UTRN: variants seen among roughly 807,000 people sequenced by gnomAD.
UTRN encodes dystrophin-related protein 1.
In UTRN, 283 loss-of-function variants were observed where a neutral mutation model predicts 463.9. That is an observed-to-expected ratio of 0.61 (90% CI 0.55 to 0.67). The LOEUF is 0.67. UTRN is among the 30% of genes least tolerant of loss of function. UTRN has a pLI of 0.00. For synonymous variants in UTRN, 1,442 were observed against 1,431.5 expected (o/e 1.01, Z -0.17); for missense variants, 3,922 against 4,084.3 (o/e 0.96, Z 1.08).
chr6:144,667,101 C>T (rs2128676044), intron 51 of UTRN, among the ~76,000 whole-genome samples: 1 of 152,228 alleles, frequency 6.6e-6, no homozygotes, highest in African/African-American at 2.4e-5. Flanking sequence ...GTCATCCAGG[C>T]TGGAGTGCAG....
At chr6:144,718,031 G>T (rs2128707289) in intron 53 of UTRN, among the ~76,000 whole-genome samples, 1 of 152,238 alleles carries the variant, frequency 6.6e-6, no homozygotes, top group Non-Finnish European at 1.5e-5. Context: ...CAAACGGAGG[G>T]CTTTGTTCTG....
intron 2 of UTRN, among the ~76,000 whole-genome samples, chr6:144,360,039 T>TCCCTTCCCTTCCCTTC: frequency 7.6e-5 from 4 of 52,544 alleles, no homozygotes; most frequent in African/African-American, 4.5e-4. Context: ...TTTTTTCCCT[T>TCCCTTCCCTTCCCTTC]CCCTTCCCTT....
intron 2 of UTRN, among the ~76,000 whole-genome samples, chr6:144,357,193 C>A (rs1778638915): frequency 6.6e-6 from 1 of 152,138 alleles, no homozygotes; most frequent in Non-Finnish European, 1.5e-5. Flanking sequence ...TCCTCACACC[C>A]ACCCATAGCC....
At chr6:144,732,239 CATATATAT>C (rs71810800) in intron 54 of UTRN, among the ~76,000 whole-genome samples, 25 of 116,062 alleles carry the variant, frequency 2.2e-4, no homozygotes, top group African/African-American at 6.0e-4. Flanking sequence ...TATATATATA[CATATATAT>C]ATATATATAT....
intron 50 of UTRN, among the ~76,000 whole-genome samples, chr6:144,567,062 G>C (rs889819965): frequency 3.9e-5 from 6 of 152,102 alleles, no homozygotes; most frequent in African/African-American, 1.4e-4. Flanking sequence ...TGGTAGGTTC[G>C]ATTGAGCCTA....
intron 2 of UTRN, chr6:144,330,988 A>G (rs566597799): frequency 1.0e-6 from 1 of 985,404 alleles, no homozygotes; most frequent in Non-Finnish European, 1.2e-6. Flanking sequence ...ATCTGAATCC[A>G]CAAACGGAGA....
At chr6:144,831,199 A>G (rs1780644762) in intron 69 of UTRN, among the ~76,000 whole-genome samples, 1 of 152,162 alleles carries the variant, frequency 6.6e-6, no homozygotes, top group South Asian at 2.1e-4. Flanking sequence ...TAATCCCTGA[A>G]GCCTATGAAT....
intron 2 of UTRN, among the ~76,000 whole-genome samples, chr6:144,350,057 G>GAAC (rs908499326): frequency 6.6e-6 from 1 of 152,146 alleles, no homozygotes; most frequent in Non-Finnish European, 1.5e-5. Context: ...AGGACTAAAG[G>GAAC]AACACAGGCC....
chr6:144,483,564 TC>T (rs1792110255), intron 27 of UTRN, among the ~76,000 whole-genome samples: 1 of 152,158 alleles, frequency 6.6e-6, no homozygotes, highest in South Asian at 2.1e-4. Flanking sequence ...TGCCCCCGCT[TC>T]CTGAGTAGCT....
intron 65 of UTRN, among the ~76,000 whole-genome samples, chr6:144,808,591 A>G (rs1778348416): frequency 6.6e-6 from 1 of 152,050 alleles, no homozygotes; most frequent in South Asian, 2.1e-4. Context: ...ATCTGTAGCC[A>G]CAAGCTGTAC....
chr6:144,646,733 A>T (rs1239681799), intron 51 of UTRN, among the ~76,000 whole-genome samples: 2 of 152,198 alleles, frequency 1.3e-5, no homozygotes, highest in Admixed American at 1.3e-4. Flanking sequence ...TTGACAAAAG[A>T]TCTGCTACAT....
intron 51 of UTRN, among the ~76,000 whole-genome samples, chr6:144,578,646 T>C (rs1469739449): frequency 6.6e-6 from 1 of 152,208 alleles, no homozygotes; most frequent in Non-Finnish European, 1.5e-5. Flanking sequence ...CCATTGTCTT[T>C]TGATACATGT....
chr6:144,488,324 G>A (rs1168773619), intron 29 of UTRN, among the ~76,000 whole-genome samples: 1 of 152,024 alleles, frequency 6.6e-6, no homozygotes, highest in Non-Finnish European at 1.5e-5. Flanking sequence ...TTTTTCTTAT[G>A]TTTTATATTC....
In UTRN at chr6:144,417,284, G is replaced by A. The variant is rs558866442; in HGVS notation, c.142-4594G>A. ...AATATTTTCTTCCCTATCTGTCCTA[G>A]TCCTGTGTCTTCATAATTTTAGTAG... On this transcript the variant is annotated intron_variant, in intron 3 of 74. Coordinates refer to ENST00000367545, the MANE Select transcript of UTRN (RefSeq NM_007124.3). 9.2e-5 allele frequency among the ~76,000 whole-genome samples: 14 copies of A among 152,052 alleles called. No individual in the cohort carries two copies. In the East Asian group the frequency reaches 2.5e-3, roughly 27 times the overall value.
intron 2 of UTRN, among the ~76,000 whole-genome samples, chr6:144,397,333 G>T (rs889005251): frequency 6.6e-6 from 1 of 152,118 alleles, no homozygotes; most frequent in Non-Finnish European, 1.5e-5. Context: ...GGATCCCAAG[G>T]CTCCATAATT....
intron 65 of UTRN, among the ~76,000 whole-genome samples, chr6:144,818,296 C>A: frequency 6.6e-6 from 1 of 152,116 alleles, no homozygotes; most frequent in South Asian, 2.1e-4. Context: ...TACAGAGTTT[C>A]TCTTTGGGGT....
intron 2 of UTRN, among the ~76,000 whole-genome samples, chr6:144,337,353 A>G (rs1376612729): frequency 6.6e-6 from 1 of 152,166 alleles, no homozygotes; most frequent in Non-Finnish European, 1.5e-5. Context: ...TTACCTCCTC[A>G]TTAAGGGCTT....
intron 53 of UTRN, among the ~76,000 whole-genome samples, chr6:144,721,518 C>T (rs183209732): frequency 1.6e-4 from 24 of 152,118 alleles, no homozygotes; most frequent in African/African-American, 5.1e-4. Context: ...CTCAGTTTTC[C>T]TTTTTGAAAT....
intron 23 of UTRN, among the ~76,000 whole-genome samples, chr6:144,470,919 G>C (rs1446161788): frequency 1.5e-4 from 22 of 151,558 alleles, no homozygotes; most frequent in Non-Finnish European, 4.4e-5. Context: ...CCAGGCACTC[G>C]GCAGGCTGAG....
Sources: allele counts gnomAD v4.1 joint callset (sites outside exome capture counted in the v4.1 genomes callset), GRCh38; gene constraint gnomAD v4.1.1; transcripts MANE v1.5; gene names NCBI Gene and HGNC (gene_info 2026-07-23, HGNC 2026-07-21).